Variants in ZNF343 observed in about 807,000 individuals in gnomAD.
The protein encoded by ZNF343 is zinc finger protein 343.
In ZNF343, 11 loss-of-function variants were observed where a neutral mutation model predicts 13.8. The ratio of observed to expected loss-of-function variants is 0.80; its 90% CI spans 0.50 to 1.32. The LOEUF (loss-of-function observed/expected upper bound fraction) is 1.32, where lower values mean the gene tolerates loss of function less well. Ranked by LOEUF, ZNF343 falls within the 40% of genes most tolerant of loss-of-function variation. The pLI is 0.00. For synonymous variants in ZNF343, 248 were observed against 260.0 expected, an observed-to-expected ratio of 0.95 and a Z score of 0.44; for missense variants, 658 against 714.2, an observed-to-expected ratio of 0.92 and a Z score of 0.90.
intron 4 of ZNF343, 93 bp from the exon 5 acceptor site, chr20:2,492,918 G>T (rs2085390919): frequency 1.3e-6 from 2 of 1,537,938 alleles, no homozygotes; most frequent in South Asian, 2.4e-5. Context: ...GCCTGGATAT[G>T]CAAGTTGATG....
At chr20:2,500,344 G>A (rs2122673558) in intron 2 of ZNF343, among the ~76,000 whole-genome samples, 1 of 152,302 alleles carries the variant, frequency 6.6e-6, no homozygotes, top group Admixed American at 6.5e-5. Context: ...CAGAACAATG[G>A]CCCAATAAAT....
In ZNF343 at chr20:2,500,653, T is replaced by C. The variant is rs1279772888; in HGVS notation, c.-150+3A>G. The C allele has an allele frequency of 6.6e-6, 1 of 152,208 alleles. No individual in the cohort carries two copies. Among genetic ancestry groups the C allele is most frequent in the Non-Finnish European group, 1.5e-5 (1 of 68,030 alleles). 9.4% of individuals were successfully genotyped at this position (152,208 alleles called of 1,614,324 possible). ...GGGAATGTGAAAGGTAAGTGGTACC[T>C]ACCTGATAGGAAGTTCTCGGGAGCA... is the stretch of plus-strand genomic sequence containing the variant. On this transcript the variant is annotated splice_donor_region_variant and intron_variant, in intron 2 of 5. Coordinates refer to ENST00000278772, the MANE Select transcript of ZNF343 (RefSeq NM_024325.6).
At chr20:2,487,169 CAGTT>C (rs1343144900) in intron 5 of ZNF343, among the ~76,000 whole-genome samples, 2 of 152,166 alleles carry the variant, frequency 1.3e-5, no homozygotes, top group African/African-American at 2.4e-5. Flanking sequence ...TTTTGGAACA[CAGTT>C]AGGTAAATTT....
intron 1 of ZNF343, among the ~76,000 whole-genome samples, chr20:2,505,700 C>T (rs574497182): frequency 0.01 from 1,533 of 152,186 alleles, 29 homozygotes; most frequent in African/African-American, 0.035. Context: ...GAAAGGATTC[C>T]CTATTTAATA....
chr20:2,493,143 A>C (rs1332343810), intron 4 of ZNF343: 1 of 473,540 alleles, frequency 2.1e-6, no homozygotes, highest in Non-Finnish European at 3.8e-6. Flanking sequence ...TAATGAAGGA[A>C]TTCAGAGATG....
chr20:2,483,572 C>G lies in ZNF343; in HGVS notation c.1389G>C (p.Lys463Asn), dbSNP rs769504968. 6.2e-7 allele frequency: 1 copy of G among 1,613,012 alleles called. No individual in the cohort carries two copies. Among genetic ancestry groups the G allele is most frequent in the Non-Finnish European group, 8.5e-7 (1 of 1,179,720 alleles). ...GGCCACACTCACCACACACATAAGG[C>G]TTCTCTCCAGAGTGCGTCCGCTCGT... ...IIHERTHSGE[K>N]PYVCGECGRG... The change falls in exon 6 of 6, where the codon AAG becomes AAC. Residue 463 changes from lysine (K) to asparagine (N), a missense_variant. Physicochemically the swap from Lys to Asn is moderately conservative, Grantham distance 94. Transcript: ENST00000278772.
chr20:2,488,254 A>T (rs1386973667), intron 5 of ZNF343, among the ~76,000 whole-genome samples: 1 of 151,604 alleles, frequency 6.6e-6, no homozygotes, highest in Admixed American at 6.6e-5. Context: ...TTACGGTTTA[A>T]TTTTTTACAT....
At chr20:2,500,368 A>AT (rs985351875) in intron 2 of ZNF343, among the ~76,000 whole-genome samples, 12 of 152,204 alleles carry the variant, frequency 7.9e-5, no homozygotes, top group African/African-American at 2.9e-4. Flanking sequence ...AATTACCATC[A>AT]TTTTTTATTT....
At chr20:2,499,452 G>A (rs12480229) in intron 2 of ZNF343, among the ~76,000 whole-genome samples, 13,275 of 75,608 alleles carry the variant, frequency 0.18, 1,275 homozygotes, top group Non-Finnish European at 0.24. Flanking sequence ...GCGACAGAGC[G>A]AGACTCCGTC....
chr20:2,524,849 C>T (rs1234449011), upstream of ZNF343: 1 of 152,646 alleles, frequency 6.6e-6, no homozygotes, highest in African/African-American at 2.4e-5. Context: ...CGAACTCCCC[C>T]TCCCAAAGTG....
intron 2 of ZNF343, among the ~76,000 whole-genome samples, chr20:2,499,218 C>T (rs1384032240): frequency 6.8e-6 from 1 of 146,198 alleles, no homozygotes; most frequent in Non-Finnish European, 1.5e-5. Flanking sequence ...GTAATCCCAG[C>T]ACTTTGGGAG....
intron 1 of ZNF343, among the ~76,000 whole-genome samples, chr20:2,520,013 T>A (rs1412738430): frequency 6.6e-6 from 1 of 152,228 alleles, no homozygotes; most frequent in African/African-American, 2.4e-5. Context: ...ATCTGCTCTA[T>A]CTGACCATTT....
At chr20:2,507,179 G>A (rs898620610) in intron 1 of ZNF343, among the ~76,000 whole-genome samples, 26 of 150,764 alleles carry the variant, frequency 1.7e-4, no homozygotes, top group African/African-American at 5.9e-4. Flanking sequence ...CAGAAGAATC[G>A]CTTGAACCCG....
Position 2,494,086 on chromosome 20 carries a change from T to C in ZNF343, c.-149-42A>G, listed in dbSNP as rs573778368. The C allele has an allele frequency of 2.4e-5, 14 of 586,788 alleles. No individual in the cohort carries two copies. The East Asian group carries it at 3.7e-4, about 16-fold the overall frequency. 36.3% of individuals were successfully genotyped at this position (586,788 alleles called of 1,614,324 possible). A position where few individuals can be genotyped will look rare whatever the true frequency, so the allele number is the denominator to read the frequency against. On this transcript the variant is annotated intron_variant, in intron 2 of 5. Coordinates refer to ENST00000278772, the MANE Select transcript of ZNF343 (RefSeq NM_024325.6). ...CAATTTGCTATTGCTGGGGCTTTTA[T>C]TGTGGGCCCTAGGCCTATGCCTCTT...
At chr20:2,493,645 CCTGAGCAGCTCTT>C in intron 3 of ZNF343, 68 bp from the exon 4 acceptor site, 3 of 994,602 alleles carry the variant, frequency 3.0e-6, no homozygotes, top group Non-Finnish European at 4.3e-6. Context: ...CATGACGCTC[CCTGAGCAGCTCTT>C]CTGAGCCTTA....
In ZNF343 at chr20:2,518,315, C is replaced by T. The variant is rs2085768441; in HGVS notation, c.-347+6140G>A. The stretch of plus-strand genomic sequence containing the variant: ...TACAGGCGTGAGCCACCGCGCCCAG[C>T]CTCAAAGATTTATTTCTATTTGGGA... On this transcript the variant is annotated intron_variant, in intron 1 of 6. Coordinates refer to the ZNF343 transcript ENST00000358413. The surrounding 1 kb of genome is among the most constrained non-coding windows in gnomAD (Gnocchi z 4.6). 6.6e-6 allele frequency among the ~76,000 whole-genome samples: 1 copy of T among 152,156 alleles called. No homozygotes were observed. The highest frequency in any genetic ancestry group is 1.5e-5 in the Non-Finnish European group (1 of 68,030).
chr20:2,503,734 A>T (rs555786881), intron 1 of ZNF343, among the ~76,000 whole-genome samples: 16 of 152,252 alleles, frequency 1.1e-4, no homozygotes, highest in African/African-American at 7.2e-5. Flanking sequence ...AAATGAAGGC[A>T]GAAATAAAGA....
Position 2,508,855 on chromosome 20 carries a change from C to T in ZNF343, c.-237+26G>A, listed in dbSNP as rs1255411015. 1 of 152,284 alleles carries T rather than the reference C, an allele frequency of 6.6e-6. No homozygotes were observed. The highest frequency in any genetic ancestry group is 1.5e-5 in the Non-Finnish European group (1 of 68,082). The allele number at this position is 152,284 out of a possible 1,614,324, so 9.4% of individuals were successfully genotyped here. On this transcript the variant is annotated intron_variant, in intron 1 of 5. Coordinates refer to ENST00000278772, the MANE Select transcript of ZNF343 (RefSeq NM_024325.6). This position sits in a 1 kb window ranked among gnomAD's most constrained non-coding sequence, Gnocchi z 4.5. ...CCCACGAGAGAGGGCATCCTGGGGC[C>T]AAGGAGCCGCGGAGGCCGCGCTCAC... is the stretch of plus-strand genomic sequence containing the variant.
chr20:2,495,764 T>G (rs2085449306), intron 2 of ZNF343, among the ~76,000 whole-genome samples: 1 of 150,436 alleles, frequency 6.6e-6, no homozygotes, highest in Non-Finnish European at 1.5e-5. Context: ...CACCGCAACC[T>G]CTGCCTCCCA....
Sources: gnomAD v4.1 joint callset for allele counts (sites outside exome capture counted in the v4.1 genomes callset) on GRCh38, gnomAD v4.1.1 for gene constraint, Gnocchi (gnomAD v3.1) non-coding constraint, MANE v1.5 for transcripts, NCBI Gene and HGNC (gene_info 2026-07-23, HGNC 2026-07-21) for gene names.